UBQLN1: variants seen among roughly 807,000 people sequenced by gnomAD.
UBQLN1 encodes ubiquilin-1.
Under a neutral mutation model 65.4 loss-of-function variants are expected in UBQLN1, and 13 were observed. That is an observed-to-expected ratio of 0.20 (90% confidence interval 0.13 to 0.32). The LOEUF is 0.32. Among genes scored for constraint, UBQLN1 ranks in the 10% least tolerant of loss-of-function variants. The pLI, the probability that UBQLN1 is intolerant of heterozygous loss-of-function variation, is 1.00. For missense variants in UBQLN1, 561 were observed against 724.0 expected (o/e 0.77, Z 2.58); for synonymous variants, 267 against 247.8 (o/e 1.08, Z -0.73).
intron 1 of UBQLN1, among the ~76,000 whole-genome samples, chr9:83,699,757 G>A (rs1832280621): frequency 1.3e-5 from 2 of 152,214 alleles, no homozygotes; most frequent in African/African-American, 4.8e-5. Flanking sequence ...CAAACTTTCT[G>A]TTACGGGCTA....
intron 1 of UBQLN1, among the ~76,000 whole-genome samples, chr9:83,691,131 C>A (rs1252476727): frequency 6.6e-6 from 1 of 150,870 alleles, no homozygotes; most frequent in African/African-American, 2.4e-5. Flanking sequence ...GAGAGGCACT[C>A]GTCTCAAAAA....
At chr9:83,691,577 C>T (rs190123295) in intron 1 of UBQLN1, among the ~76,000 whole-genome samples, 1 of 152,302 alleles carries the variant, frequency 6.6e-6, no homozygotes, top group East Asian at 1.9e-4. Context: ...GACACTACAC[C>T]ACACATTCGA....
At position 83,683,045 on chromosome 9, in the gene UBQLN1, C is replaced by A. The variant is rs1163707657; in HGVS notation, c.354G>T (p.Gln118His). 6.2e-7 allele frequency: 1 copy of A among 1,611,092 alleles called. No individual in the cohort carries two copies. Among genetic ancestry groups the A allele is most frequent in the Non-Finnish European group, 8.5e-7 (1 of 1,179,208 alleles). Residue 118 changes from glutamine (Q) to histidine (H), a missense_variant, in exon 3 of 11, where the codon CAG becomes CAT. Physicochemically the swap from Gln to His is conservative, Grantham distance 24. Coordinates refer to ENST00000376395, the MANE Select transcript of UBQLN1 (RefSeq NM_013438.5). ...TQNRPQDHSAQQTNTAGSNVT... is the reference protein window; with the variant it reads ...TQNRPQDHSAHQTNTAGSNVT... ...CATTGCTTCCAGCTGTATTTGTTTG[C>A]TGAGCTGAATGATCCTGAGGCCTAG... is the stretch of plus-strand genomic sequence containing the variant.
intron 1 of UBQLN1, among the ~76,000 whole-genome samples, chr9:83,687,888 A>G (rs1410854068): frequency 6.6e-6 from 1 of 152,266 alleles, no homozygotes; most frequent in Non-Finnish European, 1.5e-5. Flanking sequence ...ACTTCAGTAA[A>G]TATTTTGAAG....
intron 7 of UBQLN1, chr9:83,668,876 G>T: frequency 4.0e-6 from 1 of 250,598 alleles, no homozygotes; most frequent in Non-Finnish European, 7.0e-6. Context: ...TCATTAAGTA[G>T]TTTATCTTCA....
intron 4 of UBQLN1, among the ~76,000 whole-genome samples, chr9:83,679,573 T>C (rs1477289306): frequency 6.6e-6 from 1 of 152,210 alleles, no homozygotes; most frequent in Non-Finnish European, 1.5e-5. Flanking sequence ...CAAAATAAAC[T>C]ATTTACAAAG....
chr9:83,682,517 A>G lies in UBQLN1; in HGVS notation c.448+434T>C, dbSNP rs548842426. On this transcript the variant is annotated intron_variant, in intron 3 of 10. Coordinates refer to ENST00000376395, the MANE Select transcript of UBQLN1 (RefSeq NM_013438.5). ...AACAAACAAACAAACAAAAACTAATATAAGAAAAACAAAAGCAGTTTTAGG... is the reference window on the plus strand; with the variant it reads ...AACAAACAAACAAACAAAAACTAATGTAAGAAAAACAAAAGCAGTTTTAGG... Among the ~76,000 whole-genome samples the G allele has an allele frequency of 3.3e-5, 5 of 152,106 alleles. No individual in the cohort carries two copies. The South Asian group carries it at 6.2e-4, about 19-fold the overall frequency.
At chr9:83,694,673 T>C (rs1195903449) in intron 1 of UBQLN1, among the ~76,000 whole-genome samples, 2 of 152,226 alleles carry the variant, frequency 1.3e-5, no homozygotes, top group African/African-American at 4.8e-5. Context: ...ACTATTCACA[T>C]GCTAGGATAG....
At chr9:83,685,052 T>C (rs1287322156) in intron 2 of UBQLN1, among the ~76,000 whole-genome samples, 4 of 152,190 alleles carry the variant, frequency 2.6e-5, no homozygotes, top group Non-Finnish European at 5.9e-5. Context: ...TTGTATCATA[T>C]GTAACGGGCT....
At chr9:83,701,411 A>G (rs911887686) in intron 1 of UBQLN1, among the ~76,000 whole-genome samples, 8 of 152,124 alleles carry the variant, frequency 5.3e-5, no homozygotes, top group African/African-American at 1.7e-4. Flanking sequence ...AGAAAATTAG[A>G]CTGAAAAATA....
chr9:83,677,562 C>CAAAA (rs931520304), intron 6 of UBQLN1, among the ~76,000 whole-genome samples, 165 bp downstream of exon 6: 1 of 133,748 alleles, frequency 7.5e-6, no homozygotes, highest in Non-Finnish European at 1.6e-5. Flanking sequence ...AGCTCTATCT[C>CAAAA]AAAAAAACAA....
At chr9:83,693,921 G>A (rs1309255537) in intron 1 of UBQLN1, among the ~76,000 whole-genome samples, 1 of 152,154 alleles carries the variant, frequency 6.6e-6, no homozygotes, top group East Asian at 1.9e-4. Context: ...AGGGCTGATG[G>A]GAGAATTAAG....
Position 83,663,890 on chromosome 9 carries a change from A to G in UBQLN1, c.1602T>C (p.Ala534=), listed in dbSNP as rs757668663. ...QFIQQMLQAL[A]GVNPQLQNPE... ...GAACTGATACCTGAGGATTTACTCC[A>G]GCAAGAGCCTGCAGCATCTGCTGAA... The change falls in exon 10 of 11, where the codon GCT becomes GCC. Residue 534 remains alanine, a synonymous_variant. Coordinates refer to ENST00000376395, the MANE Select transcript of UBQLN1 (RefSeq NM_013438.5). The G allele has an allele frequency of 1.2e-6, 2 of 1,613,864 alleles. No individual in the cohort carries two copies. Among genetic ancestry groups the G allele is most frequent in the African/African-American group, 1.3e-5 (1 of 74,928 alleles).
At chr9:83,673,379 G>GA (rs1048881541) in intron 6 of UBQLN1, among the ~76,000 whole-genome samples, 82 of 150,752 alleles carry the variant, frequency 5.4e-4, no homozygotes, top group African/African-American at 1.1e-3. Context: ...TCTCTACTAA[G>GA]AAAAAAAACA....
At position 83,661,824 on chromosome 9, in the gene UBQLN1, G is replaced by T; in HGVS notation, c.1733C>A (p.Ala578Glu). Residue 578 changes from alanine to glutamate, a missense_variant, in exon 11 of 11, where the codon GCA becomes GAA. By Grantham distance (107) the Ala-to-Glu change is moderately radical (BLOSUM62 -1). Coordinates refer to ENST00000376395, the MANE Select transcript of UBQLN1 (RefSeq NM_013438.5). Reference sequence around the variant, plus strand: ...GGAGCCCAGTAACCTTTCAATAGCTGCATTGATATCACCTCCTGTTGCTAT... The same window carrying T: ...GGAGCCCAGTAACCTTTCAATAGCTTCATTGATATCACCTCCTGTTGCTAT... The part of the protein sequence containing the change: ...ALIATGGDIN[A>E]AIERLLGSQP... 6.2e-7 allele frequency: 1 copy of T among 1,613,530 alleles called. No individual in the cohort carries two copies. The highest frequency in any genetic ancestry group is 8.5e-7 in the Non-Finnish European group (1 of 1,179,622).
intron 7 of UBQLN1, 200 bp from the exon 8 acceptor site, chr9:83,666,633 T>G: frequency 6.2e-6 from 3 of 483,796 alleles, no homozygotes; most frequent in African/African-American, 5.7e-5. Context: ...ATGAGGCATA[T>G]TCTCTCTCAA....
chr9:83,677,141 T>G (rs951197479), intron 6 of UBQLN1, among the ~76,000 whole-genome samples: 1 of 152,260 alleles, frequency 6.6e-6, no homozygotes, highest in African/African-American at 2.4e-5. Context: ...TGCTTGACAA[T>G]CTACTGATCT....
At chr9:83,675,283 AC>A (rs1436121078) in intron 6 of UBQLN1, among the ~76,000 whole-genome samples, 1 of 152,192 alleles carries the variant, frequency 6.6e-6, no homozygotes, top group African/African-American at 2.4e-5. Context: ...CCCTCCAACA[AC>A]CAAACATTGA....
intron 1 of UBQLN1, among the ~76,000 whole-genome samples, chr9:83,699,846 A>C (rs1400747186): frequency 6.6e-6 from 1 of 152,240 alleles, no homozygotes. Flanking sequence ...GCAAATGGGC[A>C]CAATAGATTT....
Sources: allele counts gnomAD v4.1 joint callset (sites outside exome capture counted in the v4.1 genomes callset), GRCh38; gene constraint gnomAD v4.1.1; transcripts MANE v1.5; gene names NCBI Gene and HGNC (gene_info 2026-07-23, HGNC 2026-07-21).